The following AGTR1 variants were observed in gnomAD, a reference collection of about 807,000 sequenced individuals.
AGTR1 encodes the protein type-1 angiotensin II receptor.
In AGTR1, 16 loss-of-function variants were observed where a neutral mutation model predicts 19.4. The ratio of observed to expected loss-of-function variants is 0.82; its 90% CI spans 0.56 to 1.25. The LOEUF (loss-of-function observed/expected upper bound fraction) is 1.25, where lower values mean the gene tolerates loss of function less well. Among genes scored for constraint, AGTR1 ranks in the 50% most tolerant of loss-of-function variants. AGTR1 has a pLI of 0.00. For synonymous variants in AGTR1, 153 were observed against 154.9 expected, an observed-to-expected ratio of 0.99 and a Z score of 0.09; for missense variants, 373 against 431.9, an observed-to-expected ratio of 0.86 and a Z score of 1.21.
chr3:148,709,968 T>C (rs1158248095), intron 2 of AGTR1, among the ~76,000 whole-genome samples: 1 of 152,216 alleles, frequency 6.6e-6, no homozygotes, highest in African/African-American at 2.4e-5. Context: ...AGCCATTTAC[T>C]ATATGTGGCT....
At position 148,735,943 on chromosome 3, in the gene AGTR1, G is replaced by C. The variant is rs115948244; in HGVS notation, c.-47-5046G>C. On this transcript the variant is annotated intron_variant, in intron 2 of 2. Transcript: ENST00000349243. ...TTTTGATGCTTGAGAGAGATACTTT[G>C]ATAGAAGATTATTCCAAAATATAAT... 2.2e-3 allele frequency among the ~76,000 whole-genome samples: 340 copies of C among 152,248 alleles called. 2 individuals carry two copies. The highest frequency in any genetic ancestry group is 7.9e-3 in the African/African-American group (329 of 41,546).
At chr3:148,730,272 C>T (rs1714175731) in intron 2 of AGTR1, 1 of 398,184 alleles carries the variant, frequency 2.5e-6, no homozygotes, top group Non-Finnish European at 4.4e-6. Context: ...CTTTTGGCTC[C>T]CATCACTATG....
rs949465624 is a variant in AGTR1, at chr3:148,741,374, C to T, written c.339C>T (p.Tyr113=). The part of the protein sequence containing the change: ...IASASVSFNL[Y]ASVFLLTCLS... ...CAGCCAGCGTCAGTTTCAACCTGTA[C>T]GCTAGTGTGTTTCTACTCACGTGTC... The change falls in exon 3 of 3, where the codon TAC becomes TAT. Residue 113 remains tyrosine, a synonymous_variant. Coordinates refer to ENST00000349243, the MANE Select transcript of AGTR1 (RefSeq NM_000685.5). 6.9e-6 allele frequency: 11 copies of T among 1,604,104 alleles called. No homozygotes were observed. Among genetic ancestry groups the T allele is most frequent in the African/African-American group, 5.3e-5 (4 of 74,904 alleles).
Position 148,741,692 on chromosome 3 carries a change from G to A in AGTR1, c.657G>A (p.Trp219Ter), listed in dbSNP as rs1233443416. The change falls in exon 3 of 3, where the codon TGG becomes TGA. Residue 219 changes from tryptophan to a stop codon, truncating the protein, a stop_gained. Coordinates refer to ENST00000349243, the MANE Select transcript of AGTR1 (RefSeq NM_000685.5). LOFTEE classifies it high-confidence loss of function. ...LIILTSYTLI[W>*]KALKKAYEIQ... is the part of the protein sequence containing the mutation. ...TTCTTACAAGTTATACTCTTATTTG[G>A]AAGGCCCTAAAGAAGGCTTATGAAA... 1 of 1,613,962 alleles carries A rather than the reference G, an allele frequency of 6.2e-7. No individual in the cohort carries two copies. Among genetic ancestry groups the A allele is most frequent in the Admixed American group, 1.7e-5 (1 of 59,994 alleles).
intron 2 of AGTR1, among the ~76,000 whole-genome samples, chr3:148,732,797 G>A (rs935209199): frequency 7.7e-6 from 1 of 130,484 alleles, no homozygotes; most frequent in African/African-American, 3.0e-5. Flanking sequence ...CTGGAGTGCA[G>A]TGGCGGGATC....
At chr3:148,727,902 C>T (rs1328553608) in intron 2 of AGTR1, among the ~76,000 whole-genome samples, 1 of 152,140 alleles carries the variant, frequency 6.6e-6, no homozygotes, top group Admixed American at 6.5e-5. Flanking sequence ...AGTAGCAACT[C>T]TATTGACATT....
At chr3:148,730,200 G>C (rs1714171584) in intron 2 of AGTR1, 1 of 398,302 alleles carries the variant, frequency 2.5e-6, no homozygotes, top group South Asian at 1.3e-4. Context: ...TGAATCACAA[G>C]TCAACTGACA....
At chr3:148,733,442 T>A (rs1392724814) in intron 2 of AGTR1, among the ~76,000 whole-genome samples, 1 of 152,206 alleles carries the variant, frequency 6.6e-6, no homozygotes, top group Non-Finnish European at 1.5e-5. Context: ...TCCTGCCCAA[T>A]AACTTTCCTC....
intron 2 of AGTR1, among the ~76,000 whole-genome samples, chr3:148,726,185 T>C (rs1302182516): frequency 1.3e-5 from 2 of 151,542 alleles, no homozygotes; most frequent in Non-Finnish European, 2.9e-5. Flanking sequence ...AAGTTTCTTT[T>C]TTCCCTTGCT....
At chr3:148,727,398 G>A (rs1446709736) in intron 2 of AGTR1, among the ~76,000 whole-genome samples, 1 of 152,124 alleles carries the variant, frequency 6.6e-6, no homozygotes, top group African/African-American at 2.4e-5. Context: ...GATACAGATC[G>A]ATGCCCTCTG....
At chr3:148,712,072 T>C (rs1044556717) in intron 2 of AGTR1, among the ~76,000 whole-genome samples, 3 of 152,072 alleles carry the variant, frequency 2.0e-5, no homozygotes, top group African/African-American at 4.8e-5. Context: ...TTTTTAACAA[T>C]TGAAAGAGCT....
intron 2 of AGTR1, among the ~76,000 whole-genome samples, chr3:148,726,685 C>T (rs1713962498): frequency 1.3e-5 from 2 of 152,010 alleles, no homozygotes; most frequent in South Asian, 2.1e-4. Flanking sequence ...TCTTCATTTA[C>T]CCCCAATTAT....
intron 2 of AGTR1, among the ~76,000 whole-genome samples, chr3:148,721,115 T>C (rs558184926): frequency 1.3e-5 from 2 of 152,258 alleles, no homozygotes; most frequent in East Asian, 3.9e-4. Context: ...AGGTCATTAA[T>C]TGGCTAGAGG....
chr3:148,709,668 T>C (rs1712871126), intron 2 of AGTR1, among the ~76,000 whole-genome samples: 2 of 152,156 alleles, frequency 1.3e-5, no homozygotes, highest in Non-Finnish European at 2.9e-5. Flanking sequence ...CCTATCTCAA[T>C]CTGTGGGCAG....
At position 148,741,605 on chromosome 3, in the gene AGTR1, C is replaced by G; in HGVS notation, c.570C>G (p.Thr190=). Residue 190 remains threonine, a synonymous_variant, in exon 3 of 3, where the codon ACC becomes ACG. Transcript: ENST00000349243. ...TCCATTATGAGTCCCAAAATTCAACCCTCCCGATAGGGCTGGGCCTGACCA... is the reference window on the plus strand; with the variant it reads ...TCCATTATGAGTCCCAAAATTCAACGCTCCCGATAGGGCTGGGCCTGACCA... ...CAFHYESQNS[T]LPIGLGLTKN... 1.2e-6 allele frequency: 2 copies of G among 1,614,058 alleles called. No individual in the cohort carries two copies. The highest frequency in any genetic ancestry group is 1.7e-6 in the Non-Finnish European group (2 of 1,179,980).
rs578056551 is a variant in AGTR1 at position 148,720,682 on chromosome 3, A to T, written c.-48+12655A>T. ...GGTTTGGCCTAAATAAACATGCAAT[A>T]AAAAAGCCATAGGATTTTATTATTT... On this transcript the variant is annotated intron_variant, in intron 2 of 2. Coordinates refer to ENST00000349243, the MANE Select transcript of AGTR1 (RefSeq NM_000685.5). Among the ~76,000 whole-genome samples, 17 of 150,240 alleles carry T rather than the reference A, an allele frequency of 1.1e-4. No individual in the cohort carries two copies. The East Asian group carries it at 2.1e-3, about 19-fold the overall frequency.
In AGTR1 at chr3:148,742,844, T is replaced by C. The variant is rs1714996562; in HGVS notation, c.*729T>C. 2.4e-5 allele frequency: 4 copies of C among 167,280 alleles called. No homozygotes were observed. The highest frequency in any genetic ancestry group is 4.4e-5 in the Non-Finnish European group (3 of 68,322). The allele number at this position is 167,280 out of a possible 1,614,324, so 10.4% of individuals were successfully genotyped here. ...ATATCTGAGAAGTGTATATAGTTTG[T>C]GGTAAAAAGATTATATATCATAAAG... On this transcript the variant is annotated 3_prime_UTR_variant, in exon 3 of 3. Transcript: ENST00000349243.
At chr3:148,723,177 G>A (rs1713744012) in intron 2 of AGTR1, among the ~76,000 whole-genome samples, 1 of 152,074 alleles carries the variant, frequency 6.6e-6, no homozygotes, top group Non-Finnish European at 1.5e-5. Context: ...CTTTTTTTAT[G>A]TGTGTGTATT....
rs767462753 is a variant in AGTR1 at position 148,742,042 on chromosome 3, C to T, written c.1007C>T (p.Thr336Met). 4.6e-5 allele frequency: 74 copies of T among 1,613,870 alleles called. No homozygotes were observed. The East Asian group carries it at 1.1e-3, about 23-fold the overall frequency. ...TCAAACCTTTCAACAAAAATGAGCACGCTTTCCTACCGCCCCTCAGATAAT... is the reference window on the plus strand; with the variant it reads ...TCAAACCTTTCAACAAAAATGAGCATGCTTTCCTACCGCCCCTCAGATAAT... ...SHSNLSTKMS[T>M]LSYRPSDNVS... The change falls in exon 3 of 3, where the codon ACG becomes ATG. Residue 336 changes from threonine (T) to methionine (M), a missense_variant. Physicochemically the swap from Thr to Met is moderately conservative, Grantham distance 81 (BLOSUM62 -1). Coordinates refer to ENST00000349243, the MANE Select transcript of AGTR1 (RefSeq NM_000685.5).
Sources: gnomAD v4.1 joint callset for allele counts (sites outside exome capture counted in the v4.1 genomes callset) on GRCh38, gnomAD v4.1.1 for gene constraint, MANE v1.5 for transcripts, NCBI Gene and HGNC (gene_info 2026-07-23, HGNC 2026-07-21) for gene names.